FARS2: variants seen among roughly 807,000 people sequenced by gnomAD.
FARS2 encodes phenylalanyl-tRNA synthetase 2, mitochondrial.
FARS2 carries 40 observed loss-of-function variants against 46.4 expected under a neutral mutation model. The observed-to-expected ratio is 0.86, with a 90% confidence interval of 0.67 to 1.12. The LOEUF (loss-of-function observed/expected upper bound fraction) is 1.12. Among genes scored for constraint, FARS2 ranks in the 50% most tolerant of loss-of-function variants. The probability of loss-of-function intolerance (pLI) is 0.00; values close to 1 mark genes in which losing one functional copy is unlikely to be tolerated. For synonymous variants in FARS2, 234 were observed against 214.9 expected, an observed-to-expected ratio of 1.09 and a Z score of -0.78; for missense variants, 513 against 567.9, an observed-to-expected ratio of 0.90 and a Z score of 0.98.
intron 1 of FARS2, among the ~76,000 whole-genome samples, chr6:5,355,368 C>CTTTTTTTTTTTTT (rs200590190): frequency 1.4e-5 from 2 of 142,444 alleles, no homozygotes; most frequent in African/African-American, 5.1e-5. Flanking sequence ...TTAGGTTTTC[C>CTTTTTTTTTTTTT]TTTTTGTTTT....
Position 5,368,990 on chromosome 6 carries a change from G to T in FARS2, c.420G>T (p.Lys140Asn). The change falls in exon 2 of 7, where the codon AAG becomes AAT. Residue 140 changes from lysine to asparagine, a missense_variant. Lys to Asn is a moderately conservative substitution (Grantham distance 94). Coordinates refer to ENST00000274680, the MANE Select transcript of FARS2 (RefSeq NM_006567.5). Reference protein sequence around the residue: ...LIPADHPSRKKGDNYYLNRTH... With the variant: ...LIPADHPSRKNGDNYYLNRTH... ...CAGCTGATCACCCCAGCAGGAAGAA[G>T]GGGGACAACTATTACCTGAATCGGA... is the stretch of plus-strand genomic sequence containing the variant. 1 of 1,614,184 alleles carries T rather than the reference G, an allele frequency of 6.2e-7. No homozygotes were observed. Among genetic ancestry groups the T allele is most frequent in the Non-Finnish European group, 8.5e-7 (1 of 1,180,026 alleles).
At chr6:5,599,103 G>A (rs996715354) in intron 5 of FARS2, among the ~76,000 whole-genome samples, 1 of 152,150 alleles carries the variant, frequency 6.6e-6, no homozygotes, top group African/African-American at 2.4e-5. Flanking sequence ...GAAACTGTGA[G>A]CCAGCTCTGA....
rs1768030511 is a variant in FARS2, at chr6:5,505,175, C to T, written c.905-40005C>T. Among the ~76,000 whole-genome samples the T allele has an allele frequency of 3.9e-5, 6 of 152,210 alleles. No individual in the cohort carries two copies. In the South Asian group the frequency reaches 1.2e-3, roughly 32 times the overall value. On this transcript the variant is annotated intron_variant, in intron 4 of 6. Transcript: ENST00000274680. The stretch of plus-strand genomic sequence containing the variant: ...AATTATATGGCTATTTTATTAATAG[C>T]TTTTGTGAATCTTTAGGTTTAAAAC...
intron 3 of FARS2, among the ~76,000 whole-genome samples, chr6:5,426,815 G>A (rs1401409653): frequency 6.6e-6 from 1 of 152,090 alleles, no homozygotes; most frequent in Non-Finnish European, 1.5e-5. Flanking sequence ...TAGTAGAGAT[G>A]GGGTTTCACC....
At chr6:5,503,096 C>T (rs1164117679) in intron 4 of FARS2, among the ~76,000 whole-genome samples, 1 of 151,754 alleles carries the variant, frequency 6.6e-6, no homozygotes, top group Admixed American at 6.6e-5. Context: ...ATAAAAACAA[C>T]ATCCTCACTA....
intron 5 of FARS2, among the ~76,000 whole-genome samples, chr6:5,583,137 CT>C (rs1189531139): frequency 6.6e-6 from 1 of 152,188 alleles, no homozygotes; most frequent in African/African-American, 2.4e-5. Flanking sequence ...AATTCTCATG[CT>C]TAAAATTAAA....
At chr6:5,334,821 A>G (rs1193909214) in intron 1 of FARS2, among the ~76,000 whole-genome samples, 3 of 152,214 alleles carry the variant, frequency 2.0e-5, no homozygotes, top group Non-Finnish European at 1.5e-5. Flanking sequence ...ATATCAGGAA[A>G]ACAATCCAAA....
At chr6:5,705,117 A>G (rs1391514795) in intron 6 of FARS2, among the ~76,000 whole-genome samples, 1 of 152,250 alleles carries the variant, frequency 6.6e-6, no homozygotes, top group African/African-American at 2.4e-5. Context: ...ACATTTGGTC[A>G]TTCAAGATGG....
At chr6:5,739,169 G>C (rs947352517) in intron 6 of FARS2, among the ~76,000 whole-genome samples, 3 of 151,960 alleles carry the variant, frequency 2.0e-5, no homozygotes, top group Non-Finnish European at 4.4e-5. Context: ...TAATGCCCTT[G>C]GGATTCATCC....
At chr6:5,417,204 T>A (rs956906957) in intron 3 of FARS2, among the ~76,000 whole-genome samples, 1 of 152,134 alleles carries the variant, frequency 6.6e-6, no homozygotes, top group African/African-American at 2.4e-5. Flanking sequence ...TCTAGATTAA[T>A]AGTTTTTTTT....
chr6:5,369,858 C>T (rs55720402), intron 2 of FARS2, among the ~76,000 whole-genome samples: 3,617 of 150,062 alleles, frequency 0.024, 127 homozygotes, highest in African/African-American at 0.082. Context: ...TATCCTAATA[C>T]GTTGTGTGCA....
intron 4 of FARS2, among the ~76,000 whole-genome samples, chr6:5,534,387 A>G (rs1561691904): frequency 6.6e-6 from 1 of 152,104 alleles, no homozygotes; most frequent in Non-Finnish European, 1.5e-5. Flanking sequence ...TCTCCAAAAT[A>G]TTTTCATCGC....
In FARS2 at chr6:5,311,149, T is replaced by C. The variant is rs1769055305; in HGVS notation, c.-22+49489T>C. On this transcript the variant is annotated intron_variant, in intron 1 of 6. Transcript: ENST00000274680. This position sits in a 1 kb window ranked among gnomAD's most constrained non-coding sequence, Gnocchi z 4.1. ...GGTGCATCCAGGTGATGATATGGTT[T>C]GTAGTTGTTGCGAGTGAAGAGGATT... is the stretch of plus-strand genomic sequence containing the variant. Among the ~76,000 whole-genome samples the C allele has an allele frequency of 6.6e-6, 1 of 152,220 alleles. No individual in the cohort carries two copies. The highest frequency in any genetic ancestry group is 1.5e-5 in the Non-Finnish European group (1 of 68,034).
chr6:5,584,108 G>C (rs868326193), intron 5 of FARS2, among the ~76,000 whole-genome samples: 60 of 122,928 alleles, frequency 4.9e-4, no homozygotes, highest in East Asian at 1.4e-3. Flanking sequence ...TTCTCTCTCT[G>C]ACACACACAC....
chr6:5,648,294 C>T (rs1777174986), intron 6 of FARS2, among the ~76,000 whole-genome samples: 1 of 152,198 alleles, frequency 6.6e-6, no homozygotes, highest in Non-Finnish European at 1.5e-5. Context: ...ACTTCAGAAA[C>T]AGGGCTGGCG....
At chr6:5,633,540 T>A (rs1269783230) in intron 6 of FARS2, among the ~76,000 whole-genome samples, 2 of 152,140 alleles carry the variant, frequency 1.3e-5, no homozygotes, top group Non-Finnish European at 2.9e-5. Context: ...AGTGCTGGGA[T>A]TACAGGCGTG....
chr6:5,358,486 A>G (rs1426390390), intron 1 of FARS2, among the ~76,000 whole-genome samples: 1 of 152,132 alleles, frequency 6.6e-6, no homozygotes, highest in African/African-American at 2.4e-5. Flanking sequence ...TGATTTTGAT[A>G]TTTTTGTGTA....
intron 1 of FARS2, among the ~76,000 whole-genome samples, chr6:5,339,892 G>A (rs1771432030): frequency 6.6e-6 from 1 of 152,188 alleles, no homozygotes; most frequent in African/African-American, 2.4e-5. Flanking sequence ...CTTGTAGATG[G>A]TTGGTTCACT....
Position 5,684,804 on chromosome 6 carries a change from G to A in FARS2, c.1217+71484G>A, listed in dbSNP as rs142746854. ...GATGTTTTTCTTGCTAACAGGAGCC[G>A]AATTCTATTATGTTTGTGAAAGGAC... On this transcript the variant is annotated intron_variant, in intron 6 of 6. Transcript: ENST00000274680. Among the ~76,000 whole-genome samples the A allele has an allele frequency of 4.8e-3, 727 of 152,208 alleles. 5 individuals are homozygous for A. Among genetic ancestry groups the A allele is most frequent in the African/African-American group, 0.017 (689 of 41,530 alleles).
Sources: gnomAD v4.1 joint callset for allele counts (sites outside exome capture counted in the v4.1 genomes callset) on GRCh38, gnomAD v4.1.1 for gene constraint, Gnocchi (gnomAD v3.1) non-coding constraint, MANE v1.5 for transcripts, NCBI Gene and HGNC (gene_info 2026-07-23, HGNC 2026-07-21) for gene names.